Variants in RIMKLB observed in about 807,000 individuals in gnomAD.
RIMKLB encodes the protein beta-citrylglutamate synthase B.
In RIMKLB, 7 loss-of-function variants were observed where a neutral mutation model predicts 32.0. The observed-to-expected ratio is 0.22, with a 90% confidence interval of 0.12 to 0.41. The LOEUF (loss-of-function observed/expected upper bound fraction) is 0.41, where lower values mean the gene tolerates loss of function less well. RIMKLB is among the 10% of genes least tolerant of loss of function. The pLI is 1.00. For missense variants in RIMKLB, 289 were observed against 498.7 expected, an observed-to-expected ratio of 0.58 and a Z score of 4.00; for synonymous variants, 172 against 185.1, an observed-to-expected ratio of 0.93 and a Z score of 0.57.
intron 5 of RIMKLB, among the ~76,000 whole-genome samples, chr12:8,772,379 C>T (rs1950482626): frequency 6.6e-6 from 1 of 152,168 alleles, no homozygotes; most frequent in African/African-American, 2.4e-5. Context: ...TTAAAGAGCT[C>T]TTATTTCTTT....
intron 2 of RIMKLB, among the ~76,000 whole-genome samples, chr12:8,716,922 T>G (rs899947532): frequency 6.6e-6 from 1 of 151,472 alleles, no homozygotes; most frequent in African/African-American, 2.4e-5. Context: ...AAACACAACT[T>G]TTATCATCTT....
chr12:8,683,868 T>C (rs10082771), intron 1 of RIMKLB, among the ~76,000 whole-genome samples: 7,252 of 151,908 alleles, frequency 0.048, 506 homozygotes, highest in African/African-American at 0.16. Flanking sequence ...CTGCCTCAGC[T>C]TCCCAAGTAG....
intron 2 of RIMKLB, among the ~76,000 whole-genome samples, chr12:8,738,852 T>C (rs1231305841): frequency 1.3e-5 from 2 of 152,214 alleles, no homozygotes; most frequent in East Asian, 3.8e-4. Flanking sequence ...GGATAGTTTC[T>C]GAGTTAGTAG....
intron 5 of RIMKLB, among the ~76,000 whole-genome samples, chr12:8,766,351 G>A (rs181871666): frequency 1.1e-3 from 175 of 152,194 alleles, no homozygotes; most frequent in African/African-American, 3.9e-3. Flanking sequence ...CTTTACCAGC[G>A]TGCCCAACGT....
At chr12:8,700,898 T>G (rs925453262) in intron 1 of RIMKLB, among the ~76,000 whole-genome samples, 1 of 152,050 alleles carries the variant, frequency 6.6e-6, no homozygotes, top group African/African-American at 2.4e-5. Flanking sequence ...AAACCCTGTC[T>G]CTGTGAAAAA....
At chr12:8,684,177 T>C (rs1482162767) in intron 1 of RIMKLB, among the ~76,000 whole-genome samples, 1 of 150,868 alleles carries the variant, frequency 6.6e-6, no homozygotes, top group Non-Finnish European at 1.5e-5. Flanking sequence ...ATCTAAATTT[T>C]CTCTTTTTTT....
intron 5 of RIMKLB, among the ~76,000 whole-genome samples, chr12:8,771,038 C>CA (rs1232142830): frequency 6.6e-6 from 1 of 152,180 alleles, no homozygotes; most frequent in Non-Finnish European, 1.5e-5. Context: ...ATGGAGCTTC[C>CA]ATGCCCTCCC....
intron 5 of RIMKLB, among the ~76,000 whole-genome samples, chr12:8,772,412 T>C (rs1253153860): frequency 2.6e-5 from 4 of 152,238 alleles, no homozygotes; most frequent in African/African-American, 9.6e-5. Context: ...AGATGGATTA[T>C]TATTGTTTTG....
At position 8,773,433 on chromosome 12, in the gene RIMKLB, C is replaced by T. The variant is rs771747704; in HGVS notation, c.810C>T (p.Asp270=). 59 of 1,613,996 alleles carry T rather than the reference C, an allele frequency of 3.7e-5. No individual in the cohort carries two copies. The highest frequency in any genetic ancestry group is 1.6e-4 in the Middle Eastern group (1 of 6,084). Residue 270 remains aspartate, a synonymous_variant, in exon 6 of 6, where the codon GAC becomes GAT. Transcript: ENST00000535829. The part of the protein sequence containing the change: ...VCGIDLLMKD[D]GSFCVCEANA... ...GCATTGATCTGCTGATGAAAGATGACGGCTCCTTCTGCGTCTGTGAGGCCA... is the reference window on the plus strand; with the variant it reads ...GCATTGATCTGCTGATGAAAGATGATGGCTCCTTCTGCGTCTGTGAGGCCA...
At chr12:8,778,925 T>C (rs1016440897), downstream of RIMKLB, 3 of 152,234 alleles carry the variant, frequency 2.0e-5, no homozygotes, top group African/African-American at 7.2e-5. Context: ...ATGTGATAAG[T>C]GATTAACCTG....
intron 2 of RIMKLB, chr12:8,743,215 G>A: frequency 6.6e-6 from 1 of 151,580 alleles, no homozygotes. Flanking sequence ...TTATCCGGGT[G>A]TGGTGATGCT....
At chr12:8,716,725 CTTTT>C (rs71451981) in intron 2 of RIMKLB, among the ~76,000 whole-genome samples, 7 of 95,152 alleles carry the variant, frequency 7.4e-5, no homozygotes, top group East Asian at 3.3e-4. Flanking sequence ...TCTTTTCCTT[CTTTT>C]TTTTTTTTTT....
chr12:8,779,196 A>G (rs1289819840), downstream of RIMKLB: 1 of 152,124 alleles, frequency 6.6e-6, no homozygotes, highest in African/African-American at 2.4e-5. Context: ...GAGTTAAACA[A>G]CCTCCAGTCA....
chr12:8,733,787 G>A (rs769623000), intron 2 of RIMKLB, among the ~76,000 whole-genome samples: 7 of 152,344 alleles, frequency 4.6e-5, no homozygotes, highest in African/African-American at 1.7e-4. Flanking sequence ...GAGAGGCTGA[G>A]GTAGGAGGAT....
intron 1 of RIMKLB, among the ~76,000 whole-genome samples, chr12:8,707,604 C>CGTCTCCA (rs1944010324): frequency 1.3e-5 from 2 of 152,176 alleles, no homozygotes; most frequent in South Asian, 4.1e-4. Context: ...GCCCGTCTCC[C>CGTCTCCA]GTCTCCAGAG....
At chr12:8,740,517 A>G (rs1205530105) in intron 2 of RIMKLB, among the ~76,000 whole-genome samples, 3 of 152,110 alleles carry the variant, frequency 2.0e-5, no homozygotes, top group East Asian at 3.9e-4. Context: ...CTGAGTCCCC[A>G]AAGTCCATTA....
At chr12:8,732,613 T>G (rs1354064300) in intron 2 of RIMKLB, among the ~76,000 whole-genome samples, 6 of 152,204 alleles carry the variant, frequency 3.9e-5, no homozygotes, top group African/African-American at 1.4e-4. Context: ...TTAATAACTA[T>G]TGTATGCGTA....
intron 2 of RIMKLB, among the ~76,000 whole-genome samples, chr12:8,718,015 G>A (rs1945033009): frequency 6.6e-6 from 1 of 152,102 alleles, no homozygotes; most frequent in South Asian, 2.1e-4. Context: ...CTCTTTTACT[G>A]ACAGTGTGGC....
At chr12:8,732,745 T>TTATA (rs202128295) in intron 2 of RIMKLB, among the ~76,000 whole-genome samples, 10 of 150,428 alleles carry the variant, frequency 6.6e-5, no homozygotes, top group African/African-American at 1.2e-4. Flanking sequence ...CAACAGAAAA[T>TTATA]TATATATATA....
Sources: allele counts gnomAD v4.1 joint callset (sites outside exome capture counted in the v4.1 genomes callset), GRCh38; gene constraint gnomAD v4.1.1; transcripts MANE v1.5; gene names NCBI Gene and HGNC (gene_info 2026-07-23, HGNC 2026-07-21).